ADAMTSL1: variants seen among roughly 807,000 people sequenced by gnomAD.
The protein encoded by ADAMTSL1 is ADAMTS like 1.
Under a neutral mutation model 201.8 loss-of-function variants are expected in ADAMTSL1, and 126 were observed. The ratio of observed to expected loss-of-function variants is 0.62; its 90% CI spans 0.54 to 0.72. The LOEUF (loss-of-function observed/expected upper bound fraction) is 0.72. Among genes scored for constraint, ADAMTSL1 ranks in the 30% least tolerant of loss-of-function variants. The probability of loss-of-function intolerance (pLI) is 0.00; values close to 1 mark genes in which losing one functional copy is unlikely to be tolerated. For synonymous variants in ADAMTSL1, 1,121 were observed against 903.4 expected (o/e 1.24, Z -4.32); for missense variants, 2,679 against 2,277.8 (o/e 1.18, Z -3.59).
intron 2 of ADAMTSL1, among the ~76,000 whole-genome samples, chr9:18,370,785 G>C (rs894332333): frequency 6.7e-5 from 10 of 150,200 alleles, no homozygotes; most frequent in African/African-American, 2.5e-4. Flanking sequence ...CTAACTAATT[G>C]GATGTAGATG....
chr9:18,147,716 G>A (rs974396647), intron 1 of ADAMTSL1, among the ~76,000 whole-genome samples: 3 of 152,038 alleles, frequency 2.0e-5, no homozygotes, highest in Non-Finnish European at 4.4e-5. Context: ...AAAGACCAAA[G>A]CAACTGTAGA....
At chr9:18,610,602 C>T (rs529682745) in intron 4 of ADAMTSL1, among the ~76,000 whole-genome samples, 28 of 152,260 alleles carry the variant, frequency 1.8e-4, no homozygotes, top group African/African-American at 4.6e-4. Flanking sequence ...ATATCGATAG[C>T]ACTGTCAAAG....
At chr9:18,828,693 TAA>T (rs58107031) in intron 22 of ADAMTSL1, among the ~76,000 whole-genome samples, 1,045 of 87,258 alleles carry the variant, frequency 0.012, 77 homozygotes, top group Admixed American at 0.057. Context: ...TATATATATA[TAA>T]AATGTGTGTG....
intron 20 of ADAMTSL1, among the ~76,000 whole-genome samples, chr9:18,810,576 T>C (rs190561539): frequency 6.6e-6 from 1 of 152,304 alleles, no homozygotes; most frequent in East Asian, 1.9e-4. Context: ...GCCTGTAACA[T>C]GGTTAAAACA....
chr9:18,750,089 T>A (rs957910650), intron 15 of ADAMTSL1, among the ~76,000 whole-genome samples: 3 of 152,240 alleles, frequency 2.0e-5, no homozygotes, highest in South Asian at 4.1e-4. Flanking sequence ...TGGCCATGGA[T>A]GTTAGATTTT....
chr9:17,958,347 A>G (rs1012959688), intron 1 of ADAMTSL1, among the ~76,000 whole-genome samples: 1 of 152,204 alleles, frequency 6.6e-6, no homozygotes, highest in Non-Finnish European at 1.5e-5. Flanking sequence ...TGGGAGAAGA[A>G]GCAACTTGTA....
chr9:18,816,072 A>C (rs1247549776), intron 20 of ADAMTSL1, among the ~76,000 whole-genome samples: 1 of 152,172 alleles, frequency 6.6e-6, no homozygotes, highest in Admixed American at 6.5e-5. Context: ...GCAATATAAT[A>C]CCAGAACTTA....
rs1040112122 is a variant in ADAMTSL1, at chr9:18,168,372, G to A, written c.207+4391G>A. On this transcript the variant is annotated intron_variant, in intron 2 of 29. Transcript: ENST00000680146. The stretch of plus-strand genomic sequence containing the variant: ...TTGCCACCTATGAGTGAGAACATGC[G>A]GTGTTTGGTTTTTTGTCCTTGTGAT... Among the ~76,000 whole-genome samples, 7 of 152,004 alleles carry A rather than the reference G, an allele frequency of 4.6e-5. No homozygotes were observed. In the South Asian group the frequency reaches 6.2e-4, roughly 14 times the overall value.
chr9:18,193,255 A>T (rs190473358), intron 2 of ADAMTSL1, among the ~76,000 whole-genome samples: 209 of 152,322 alleles, frequency 1.4e-3, no homozygotes, highest in African/African-American at 4.9e-3. Flanking sequence ...TTTTGAAAAG[A>T]TGACCCTGGG....
chr9:18,124,063 G>A (rs901077315), intron 1 of ADAMTSL1, among the ~76,000 whole-genome samples: 1 of 130,996 alleles, frequency 7.6e-6, no homozygotes, highest in Non-Finnish European at 1.6e-5. Flanking sequence ...ATCTTTTTAT[G>A]TGCTTATTTG....
At chr9:18,098,792 C>G (rs1304103964) in intron 1 of ADAMTSL1, among the ~76,000 whole-genome samples, 1 of 152,288 alleles carries the variant, frequency 6.6e-6, no homozygotes, top group Non-Finnish European at 1.5e-5. Context: ...AATTCACCTA[C>G]TTTGAATTCT....
intron 15 of ADAMTSL1, among the ~76,000 whole-genome samples, chr9:18,749,696 C>G (rs1032614264): frequency 6.6e-6 from 1 of 152,246 alleles, no homozygotes; most frequent in Non-Finnish European, 1.5e-5. Context: ...CTTGCAGGCT[C>G]TCTGCAAAAG....
intron 2 of ADAMTSL1, among the ~76,000 whole-genome samples, chr9:18,269,908 G>A (rs1832290516): frequency 1.3e-5 from 2 of 150,802 alleles, no homozygotes; most frequent in Non-Finnish European, 2.9e-5. Flanking sequence ...GCTTTCCCAT[G>A]GGTGTGTTAT....
At chr9:18,731,456 C>A (rs796710463) in intron 15 of ADAMTSL1, among the ~76,000 whole-genome samples, 1 of 151,548 alleles carries the variant, frequency 6.6e-6, no homozygotes, top group South Asian at 2.1e-4. Context: ...CATTGTGAAA[C>A]CCTGTCTCTA....
At chr9:18,508,167 G>T (rs573649347) in intron 2 of ADAMTSL1, among the ~76,000 whole-genome samples, 1 of 150,450 alleles carries the variant, frequency 6.6e-6, no homozygotes, top group Non-Finnish European at 1.5e-5. Flanking sequence ...CCTGGGCGAC[G>T]AGCGAAACTC....
chr9:18,242,127 C>G (rs1831089806), intron 2 of ADAMTSL1, among the ~76,000 whole-genome samples: 1 of 152,040 alleles, frequency 6.6e-6, no homozygotes, highest in Non-Finnish European at 1.5e-5. Flanking sequence ...TATTAGCAAA[C>G]TAAAGTCAAC....
chr9:18,135,265 C>G (rs73645724), intron 1 of ADAMTSL1, among the ~76,000 whole-genome samples: 1 of 152,054 alleles, frequency 6.6e-6, no homozygotes, highest in Non-Finnish European at 1.5e-5. Flanking sequence ...GGGCTCCATA[C>G]GTACTATGCA....
chr9:18,775,882 T>C lies in ADAMTSL1; in HGVS notation c.2537T>C (p.Leu846Pro), dbSNP rs749287854. The stretch of plus-strand genomic sequence containing the variant: ...TCTTCCTCCATCAGGCCCTGTATGC[T>C]GGCAACCTGTGCAAGTAAGTATGTC... ...PFSSSIRPCM[L>P]ATCARPGRPS... Residue 846 changes from leucine (L) to proline (P), a missense_variant, in exon 18 of 29, where the codon CTG becomes CCG. Transcript: ENST00000380548. 5.6e-6 allele frequency: 9 copies of C among 1,595,450 alleles called. No individual in the cohort carries two copies. The highest frequency in any genetic ancestry group is 7.7e-6 in the Non-Finnish European group (9 of 1,170,288).
intron 1 of ADAMTSL1, among the ~76,000 whole-genome samples, chr9:18,156,441 A>G (rs559219801): frequency 1.3e-5 from 2 of 152,048 alleles, no homozygotes; most frequent in Admixed American, 6.6e-5. Context: ...GATGTTGACC[A>G]ATATAAACAT....
Sources: allele counts gnomAD v4.1 joint callset (sites outside exome capture counted in the v4.1 genomes callset), GRCh38; gene constraint gnomAD v4.1.1; transcripts MANE v1.5; gene names NCBI Gene and HGNC (gene_info 2026-07-23, HGNC 2026-07-21).